Variants in LSM14A observed in about 807,000 individuals in gnomAD.
LSM14A encodes the protein protein LSM14 homolog A.
In LSM14A, 14 loss-of-function variants were observed where a neutral mutation model predicts 52.4. The observed-to-expected ratio is 0.27, with a 90% CI of 0.18 to 0.42. The LOEUF (loss-of-function observed/expected upper bound fraction) is 0.42. LSM14A is among the 10% of genes least tolerant of loss of function. The probability of loss-of-function intolerance (pLI) is 1.00; values close to 1 mark genes in which losing one functional copy is unlikely to be tolerated. For synonymous variants in LSM14A, 185 were observed against 200.3 expected (o/e 0.92, Z 0.64); for missense variants, 417 against 581.8 (o/e 0.72, Z 2.91).
In LSM14A at chr19:34,215,200, C is replaced by G. The variant is rs771812008; in HGVS notation, c.615C>G (p.His205Gln). The change falls in exon 5 of 10, where the codon CAC (histidine) becomes CAG (glutamine). Residue 205 changes from histidine to glutamine, a missense_variant. His to Gln is a conservative substitution (Grantham distance 24). Transcript: ENST00000544216. Reference sequence around the variant, plus strand: ...AAGCAGTGCAGACCGCCTCAGCCCACTTACCTGCTCCAGCAGCTGTTGGGA... The same window carrying G: ...AAGCAGTGCAGACCGCCTCAGCCCAGTTACCTGCTCCAGCAGCTGTTGGGA... ...MEQAVQTASA[H>Q]LPAPAAVGRR... 1 of 1,614,196 alleles carries G rather than the reference C, an allele frequency of 6.2e-7. No homozygotes were observed. The highest frequency in any genetic ancestry group is 1.1e-5 in the South Asian group (1 of 91,090).
chr19:34,192,986 A>T (rs768386098), intron 1 of LSM14A, among the ~76,000 whole-genome samples: 1 of 152,112 alleles, frequency 6.6e-6, no homozygotes, highest in Non-Finnish European at 1.5e-5. Flanking sequence ...CTCAAAAAAA[A>T]AGAAAAAAAA....
intron 2 of LSM14A, 140 bp from the exon 3 acceptor site, chr19:34,196,494 A>G (rs181233590): frequency 7.0e-6 from 5 of 716,338 alleles, no homozygotes; most frequent in African/African-American, 5.5e-5. Flanking sequence ...CTATTTTAAT[A>G]TTAAGTGCAT....
rs71165632 is a variant in LSM14A at position 34,192,319 on chromosome 19, G to GTTTTTTTTTTTTTTTTTTTTTTTTT, written c.122-2136_122-2135insTTTTTTTTTTTTTTTTTTTTTTTTT. ...ACACTGAAATAACATTCTTTTTGTT[G>GTTTTTTTTTTTTTTTTTTTTTTTTT]TTTTTTTTTTTTTTTTTTTTTTTGG... On this transcript the variant is annotated intron_variant, in intron 1 of 9. Transcript: ENST00000544216. Among the ~76,000 whole-genome samples the GTTTTTTTTTTTTTTTTTTTTTTTTT allele has an allele frequency of 3.6e-4, 19 of 53,404 alleles. 2 individuals are homozygous for GTTTTTTTTTTTTTTTTTTTTTTTTT. Among genetic ancestry groups the GTTTTTTTTTTTTTTTTTTTTTTTTT allele is most frequent in the Non-Finnish European group, 4.6e-4 (14 of 30,624 alleles). The allele number at this position is 53,404 out of a possible 152,430, so 35.0% of individuals were successfully genotyped here.
chr19:34,186,003 G>T (rs1008040420), intron 1 of LSM14A, among the ~76,000 whole-genome samples: 1 of 152,084 alleles, frequency 6.6e-6, no homozygotes, highest in Non-Finnish European at 1.5e-5. Context: ...ATTTAATTCA[G>T]TTCCCTTGGT....
intron 1 of LSM14A, among the ~76,000 whole-genome samples, chr19:34,183,455 G>A (rs1055982729): frequency 2.0e-5 from 3 of 152,138 alleles, no homozygotes; most frequent in Non-Finnish European, 2.9e-5. Context: ...GGAAGCTGGG[G>A]CAGGAGAATC....
chr19:34,209,380 A>G (rs187617383), intron 4 of LSM14A, among the ~76,000 whole-genome samples: 1 of 152,346 alleles, frequency 6.6e-6, no homozygotes, highest in African/African-American at 2.4e-5. Flanking sequence ...GAGCTATCCA[A>G]GATGAATTGG....
chr19:34,201,257 C>T (rs764173997), intron 3 of LSM14A, among the ~76,000 whole-genome samples: 1 of 152,166 alleles, frequency 6.6e-6, no homozygotes, highest in Non-Finnish European at 1.5e-5. Flanking sequence ...AATTAGAAAA[C>T]TAGTGTTAGA....
intron 1 of LSM14A, among the ~76,000 whole-genome samples, chr19:34,181,218 C>A (rs2069458107): frequency 6.6e-6 from 1 of 152,170 alleles, no homozygotes; most frequent in African/African-American, 2.4e-5. Context: ...CTCAGTTTTT[C>A]CTTCCCTAAC....
rs1290294915 is a variant in LSM14A at position 34,229,054 on chromosome 19, A to G, written c.*1666A>G. On this transcript the variant is annotated 3_prime_UTR_variant, in exon 10 of 10. Transcript: ENST00000544216. The stretch of plus-strand genomic sequence containing the variant: ...GAGCATCAGAGCAAGTACCATGGCA[A>G]TACATGTGTAGACTGTTGGAGATGT... The G allele has an allele frequency of 2.0e-5, 3 of 152,220 alleles. No homozygotes were observed. The highest frequency in any genetic ancestry group is 4.4e-5 in the Non-Finnish European group (3 of 68,048). 9.4% of individuals were successfully genotyped at this position (152,220 alleles called of 1,614,324 possible). A position where few individuals can be genotyped will look rare whatever the true frequency, so the allele number is the denominator to read the frequency against.
chr19:34,226,442 T>C, intron 9 of LSM14A: 1 of 1,523,866 alleles, frequency 6.6e-7, no homozygotes, highest in South Asian at 1.3e-5. Context: ...AAGGTCTGGA[T>C]TGATCGTACT....
intron 1 of LSM14A, among the ~76,000 whole-genome samples, chr19:34,188,647 T>G (rs2063354495): frequency 6.6e-6 from 1 of 152,164 alleles, no homozygotes; most frequent in African/African-American, 2.4e-5. Context: ...ACTAACCTGC[T>G]TTCTGTCTCC....
At chr19:34,207,680 C>T (rs576392873) in intron 3 of LSM14A, among the ~76,000 whole-genome samples, 45 of 152,128 alleles carry the variant, frequency 3.0e-4, no homozygotes, top group African/African-American at 1.1e-3. Flanking sequence ...TGCAGGCATG[C>T]GCCACCACGC....
intron 8 of LSM14A, among the ~76,000 whole-genome samples, chr19:34,221,029 A>G (rs2073022202): frequency 2.0e-5 from 3 of 151,966 alleles, no homozygotes; most frequent in Admixed American, 2.0e-4. Flanking sequence ...ATATTACAGG[A>G]ACATATTGAA....
intron 1 of LSM14A, among the ~76,000 whole-genome samples, chr19:34,181,454 A>G (rs2069476781): frequency 6.6e-6 from 1 of 152,240 alleles, no homozygotes; most frequent in Non-Finnish European, 1.5e-5. Flanking sequence ...AAGTTTTCTT[A>G]TCAAAATTAC....
intron 4 of LSM14A, among the ~76,000 whole-genome samples, chr19:34,214,265 C>T (rs2072399472): frequency 6.6e-6 from 1 of 151,622 alleles, no homozygotes; most frequent in Admixed American, 6.6e-5. Context: ...TAAAGAACTT[C>T]ACCTATCTAA....
chr19:34,175,863 TTG>T (rs1491060715), intron 1 of LSM14A, among the ~76,000 whole-genome samples: 3 of 150,706 alleles, frequency 2.0e-5, no homozygotes, highest in Non-Finnish European at 4.5e-5. Flanking sequence ...TCGTTTTTTT[TTG>T]TTGTTGTTTT....
At chr19:34,191,357 G>A (rs1326942743) in intron 1 of LSM14A, among the ~76,000 whole-genome samples, 6 of 151,598 alleles carry the variant, frequency 4.0e-5, no homozygotes, top group Admixed American at 2.0e-4. Flanking sequence ...ACCTTTTGAA[G>A]ACTGTGTCCT....
chr19:34,192,316 G>GTTTTTTTTTT lies in LSM14A; in HGVS notation c.122-2160_122-2159insTTTTTTTTTT, dbSNP rs1306000214. ...TTTACACTGAAATAACATTCTTTTT[G>GTTTTTTTTTT]TTGTTTTTTTTTTTTTTTTTTTTTT... On this transcript the variant is annotated intron_variant, in intron 1 of 9. Transcript: ENST00000544216. Among the ~76,000 whole-genome samples, 95 of 65,754 alleles carry GTTTTTTTTTT rather than the reference G, an allele frequency of 1.4e-3. 5 individuals are homozygous for GTTTTTTTTTT. Among genetic ancestry groups the GTTTTTTTTTT allele is most frequent in the Non-Finnish European group, 2.0e-3 (69 of 34,530 alleles). The allele number at this position is 65,754 out of a possible 152,430, so 43.1% of individuals were successfully genotyped here.
At position 34,193,793 on chromosome 19, in the gene LSM14A, T is replaced by A. The variant is rs866020711; in HGVS notation, c.122-685T>A. On this transcript the variant is annotated intron_variant, in intron 1 of 9. Transcript: ENST00000544216. Reference sequence around the variant, plus strand: ...ACCCAAACTTTGAGATTTTGTAGACTGGAGGAATCTTTGTCTCCCACTCCT... The same window carrying A: ...ACCCAAACTTTGAGATTTTGTAGACAGGAGGAATCTTTGTCTCCCACTCCT... Among the ~76,000 whole-genome samples the A allele has an allele frequency of 4.0e-4, 61 of 152,138 alleles. 2 individuals carry two copies. Among genetic ancestry groups the A allele is most frequent in the Non-Finnish European group, 1.3e-4 (9 of 68,022 alleles).
Sources: allele counts gnomAD v4.1 joint callset (sites outside exome capture counted in the v4.1 genomes callset), GRCh38; gene constraint gnomAD v4.1.1; transcripts MANE v1.5; gene names NCBI Gene and HGNC (gene_info 2026-07-23, HGNC 2026-07-21).